DSCAML1: variants seen among roughly 807,000 people sequenced by gnomAD.
DSCAML1 encodes cell adhesion molecule DSCAML1.
A neutral mutation model predicts 200.5 loss-of-function variants in DSCAML1; 38 were observed. The ratio of observed to expected loss-of-function variants is 0.19; its 90% CI spans 0.15 to 0.25. DSCAML1 has a LOEUF of 0.25. Among genes scored for constraint, DSCAML1 ranks in the 10% least tolerant of loss-of-function variants. DSCAML1 has a pLI of 1.00. For missense variants in DSCAML1, 2,223 were observed against 2,858.8 expected (o/e 0.78, Z 5.07); for synonymous variants, 1,215 against 1,165.0 (o/e 1.04, Z -0.87).
chr11:117,779,691 A>G (rs1393509498), intron 2 of DSCAML1, among the ~76,000 whole-genome samples: 1 of 152,180 alleles, frequency 6.6e-6, no homozygotes, highest in Non-Finnish European at 1.5e-5. Flanking sequence ...ACCGTTGGAC[A>G]CCATTTGTAT....
At chr11:117,741,740 G>T (rs144384819) in intron 3 of DSCAML1, among the ~76,000 whole-genome samples, 1 of 152,300 alleles carries the variant, frequency 6.6e-6, no homozygotes, top group Non-Finnish European at 1.5e-5. Context: ...CCATGAAGCT[G>T]CAGGCCTCTG....
intron 1 of DSCAML1, among the ~76,000 whole-genome samples, chr11:117,794,631 C>A (rs974516370): frequency 2.0e-5 from 3 of 151,962 alleles, no homozygotes; most frequent in Non-Finnish European, 2.9e-5. Flanking sequence ...GTAACAGGCT[C>A]GAACATTCAC....
chr11:117,583,090 G>T (rs572135628), intron 3 of DSCAML1, among the ~76,000 whole-genome samples: 2 of 151,620 alleles, frequency 1.3e-5, no homozygotes, highest in East Asian at 3.9e-4. Context: ...TTTATGCAAG[G>T]TCACCCAGTA....
chr11:117,476,813 T>C (rs1263685367), intron 14 of DSCAML1, among the ~76,000 whole-genome samples: 2 of 152,156 alleles, frequency 1.3e-5, no homozygotes, highest in Admixed American at 6.5e-5. Flanking sequence ...AAAATTAGCA[T>C]GATGAGCAAC....
At chr11:117,816,780 G>C (rs1437759638) in intron 1 of DSCAML1, among the ~76,000 whole-genome samples, 1 of 145,476 alleles carries the variant, frequency 6.9e-6, no homozygotes, top group African/African-American at 2.5e-5. Flanking sequence ...CTGTACAAGA[G>C]AGAGAGTTCG....
rs1372470707 is a variant in DSCAML1 at position 117,480,426 on chromosome 11, C to T, written c.2785+17G>A. 2 of 1,612,892 alleles carry T rather than the reference C, an allele frequency of 1.2e-6. No homozygotes were observed. Among genetic ancestry groups the T allele is most frequent in the East Asian group, 2.2e-5 (1 of 44,852 alleles). On this transcript the variant is annotated intron_variant, in intron 14 of 32. Coordinates refer to ENST00000651296, the MANE Select transcript of DSCAML1 (RefSeq NM_020693.4). The surrounding 1 kb of genome is among the most constrained non-coding windows in gnomAD (Gnocchi z 4.1). ...CCATGGCAGGCCACGCTGTCACCCTCCTGGCCCAGCGCCTACCTGATTTGT... is the reference window on the plus strand; with the variant it reads ...CCATGGCAGGCCACGCTGTCACCCTTCTGGCCCAGCGCCTACCTGATTTGT...
intron 3 of DSCAML1, among the ~76,000 whole-genome samples, chr11:117,711,564 T>C (rs11607103): frequency 0.1 from 15,714 of 152,174 alleles, 1,845 homozygotes; most frequent in African/African-American, 0.29. Flanking sequence ...GCAGTTGGTG[T>C]GAGGGACGCG....
intron 29 of DSCAML1, among the ~76,000 whole-genome samples, 194 bp downstream of exon 29, chr11:117,432,944 T>C (rs1289157382): frequency 6.6e-6 from 1 of 152,128 alleles, no homozygotes; most frequent in Non-Finnish European, 1.5e-5. Context: ...AGGCCAGCAA[T>C]TCCCTCCGTT....
intron 3 of DSCAML1, among the ~76,000 whole-genome samples, chr11:117,595,694 A>C (rs536943798): frequency 4.5e-4 from 68 of 152,276 alleles, no homozygotes; most frequent in Admixed American, 4.4e-3. Flanking sequence ...ACAGTCAGGA[A>C]GAGTTTATCA....
At chr11:117,521,848 A>G (rs1565762510) in intron 5 of DSCAML1, among the ~76,000 whole-genome samples, 1 of 152,076 alleles carries the variant, frequency 6.6e-6, no homozygotes, top group Non-Finnish European at 1.5e-5. Flanking sequence ...GATTTCCTCT[A>G]GTTGGATCTG....
intron 3 of DSCAML1, among the ~76,000 whole-genome samples, chr11:117,558,857 T>C (rs1341869536): frequency 2.0e-5 from 3 of 152,196 alleles, no homozygotes; most frequent in Non-Finnish European, 4.4e-5. Context: ...TACAGTGCTT[T>C]CTCATACAAT....
intron 3 of DSCAML1, among the ~76,000 whole-genome samples, chr11:117,756,607 T>G (rs1050357080): frequency 6.6e-6 from 1 of 152,154 alleles, no homozygotes; most frequent in South Asian, 2.1e-4. Context: ...CTATCTGGGT[T>G]GTAGAAAACT....
chr11:117,764,478 G>A (rs1483428558), intron 3 of DSCAML1, among the ~76,000 whole-genome samples: 5 of 152,226 alleles, frequency 3.3e-5, no homozygotes, highest in Non-Finnish European at 5.9e-5. Context: ...GGGAATCACT[G>A]TCTACATAAC....
chr11:117,699,901 A>G (rs1304961990), intron 3 of DSCAML1, among the ~76,000 whole-genome samples: 1 of 152,212 alleles, frequency 6.6e-6, no homozygotes, highest in African/African-American at 2.4e-5. Flanking sequence ...TGTCCTTACC[A>G]TCACTCCAGA....
At chr11:117,536,328 C>A (rs1448985581) in intron 3 of DSCAML1, among the ~76,000 whole-genome samples, 2 of 152,324 alleles carry the variant, frequency 1.3e-5, no homozygotes, top group African/African-American at 4.8e-5. Flanking sequence ...CAGGGTTGGA[C>A]AACATGGCTG....
intron 3 of DSCAML1, among the ~76,000 whole-genome samples, chr11:117,584,429 G>T (rs2051105188): frequency 6.6e-6 from 1 of 152,202 alleles, no homozygotes; most frequent in Non-Finnish European, 1.5e-5. Context: ...AAGCAAGCTT[G>T]TTTGTCTGCA....
chr11:117,459,028 G>T, intron 18 of DSCAML1, 119 bp from the exon 19 acceptor site: 1 of 1,343,296 alleles, frequency 7.4e-7, no homozygotes, highest in Non-Finnish European at 1.0e-6. Flanking sequence ...CGACTCCATG[G>T]TGGCGAGGAC....
chr11:117,545,283 C>T (rs941719530), intron 3 of DSCAML1, among the ~76,000 whole-genome samples: 50 of 151,690 alleles, frequency 3.3e-4, no homozygotes, highest in African/African-American at 1.2e-3. Context: ...TGTGCACACA[C>T]AGAGAAAAGG....
intron 1 of DSCAML1, among the ~76,000 whole-genome samples, chr11:117,786,922 C>G (rs1188294286): frequency 6.6e-6 from 1 of 152,108 alleles, no homozygotes; most frequent in Non-Finnish European, 1.5e-5. Context: ...GGTCATGGGT[C>G]TTCAGGGGAG....
Sources: gnomAD v4.1 joint callset for allele counts (sites outside exome capture counted in the v4.1 genomes callset) on GRCh38, gnomAD v4.1.1 for gene constraint, Gnocchi (gnomAD v3.1) non-coding constraint, MANE v1.5 for transcripts, NCBI Gene and HGNC (gene_info 2026-07-23, HGNC 2026-07-21) for gene names.